TMPRSS15: variants seen among roughly 807,000 people sequenced by gnomAD.
TMPRSS15 encodes enteropeptidase.
In TMPRSS15, 128 loss-of-function variants were observed where a neutral mutation model predicts 125.3. That is an observed-to-expected ratio of 1.02 (90% CI 0.89 to 1.18). The LOEUF is 1.18. Ranked by LOEUF, TMPRSS15 falls within the 50% of genes most tolerant of loss-of-function variation. The probability of loss-of-function intolerance (pLI) is 0.00; values close to 1 mark genes in which losing one functional copy is unlikely to be tolerated. For synonymous variants in TMPRSS15, 446 were observed against 423.2 expected, an observed-to-expected ratio of 1.05 and a Z score of -0.66; for missense variants, 1,283 against 1,212.7, an observed-to-expected ratio of 1.06 and a Z score of -0.86.
rs547502378 is a variant in TMPRSS15 at position 18,350,881 on chromosome 21, TC to T, written c.1171+2021del. ...GAATGACTTGAATAAGGCCTGGAGCTCAATAAATGCTTCTTAAATAAAAGAA... is the reference window on the plus strand; with the variant it reads ...GAATGACTTGAATAAGGCCTGGAGCTAATAAATGCTTCTTAAATAAAAGAA... On this transcript the variant is annotated intron_variant, in intron 10 of 24. Coordinates refer to ENST00000284885, the MANE Select transcript of TMPRSS15 (RefSeq NM_002772.3). 6.6e-5 allele frequency among the ~76,000 whole-genome samples: 10 copies of T among 152,114 alleles called. No individual in the cohort carries two copies. In the South Asian group the frequency reaches 2.1e-3, roughly 32 times the overall value.
intron 7 of TMPRSS15, among the ~76,000 whole-genome samples, chr21:18,361,576 T>C (rs1167434997): frequency 6.6e-6 from 1 of 152,160 alleles, no homozygotes; most frequent in Non-Finnish European, 1.5e-5. Context: ...CCACCAGCAG[T>C]AATGTGGCCA....
intron 1 of TMPRSS15, among the ~76,000 whole-genome samples, chr21:18,451,955 A>C (rs1978346461): frequency 6.6e-6 from 1 of 152,200 alleles, no homozygotes; most frequent in Non-Finnish European, 1.5e-5. Context: ...TTATGCATGC[A>C]TAATTTTATT....
At chr21:18,434,070 ATC>A (rs2076222749) in intron 1 of TMPRSS15, among the ~76,000 whole-genome samples, 1 of 152,140 alleles carries the variant, frequency 6.6e-6, no homozygotes, top group African/African-American at 2.4e-5. Context: ...GATTAAATTA[ATC>A]TCTCCTTTGT....
intron 18 of TMPRSS15, among the ~76,000 whole-genome samples, chr21:18,309,090 T>A (rs563824545): frequency 6.6e-6 from 1 of 152,276 alleles, no homozygotes; most frequent in East Asian, 1.9e-4. Flanking sequence ...TGATTTATAA[T>A]CCTTTGGGTA....
At chr21:18,442,897 C>T (rs1283397228) in intron 1 of TMPRSS15, among the ~76,000 whole-genome samples, 7 of 152,064 alleles carry the variant, frequency 4.6e-5, no homozygotes, top group East Asian at 1.9e-4. Context: ...AAAATCAGTT[C>T]GGGGTACCAT....
At chr21:18,313,438 A>C (rs114931165) in intron 17 of TMPRSS15, among the ~76,000 whole-genome samples, 2 of 150,898 alleles carry the variant, frequency 1.3e-5, no homozygotes, top group Non-Finnish European at 3.0e-5. Context: ...TATATATTAT[A>C]TATAATAACA....
chr21:18,312,887 TG>T lies in TMPRSS15; in HGVS notation c.2165+57del, dbSNP rs911019267. The stretch of plus-strand genomic sequence containing the variant: ...TTTAAAGCTCTTATTAAACCTAATT[TG>T]ATAGTAATAAAAAGGTTTGCAAATC... On this transcript the variant is annotated intron_variant, in intron 18 of 24. Coordinates refer to ENST00000284885, the MANE Select transcript of TMPRSS15 (RefSeq NM_002772.3). 6 of 1,600,774 alleles carry T rather than the reference TG, an allele frequency of 3.7e-6. No homozygotes were observed. The African/African-American group carries it at 8.0e-5, about 21-fold the overall frequency.
chr21:18,279,081 A>C, intron 22 of TMPRSS15, 22 bp from the exon 23 acceptor site: 13 of 1,222,918 alleles, frequency 1.1e-5, no homozygotes, highest in Non-Finnish European at 1.6e-5. Context: ...AGCAAACAGC[A>C]AAACGAACAA....
intron 1 of TMPRSS15, among the ~76,000 whole-genome samples, chr21:18,445,289 C>A (rs941148721): frequency 6.6e-6 from 1 of 150,968 alleles, no homozygotes; most frequent in African/African-American, 2.4e-5. Flanking sequence ...CAAGTGATTA[C>A]CCTGCCTCAG....
At position 18,305,479 on chromosome 21, in the gene TMPRSS15, C is replaced by T. The variant is rs142110067; in HGVS notation, c.2165+7466G>A. Among the ~76,000 whole-genome samples the T allele has an allele frequency of 2.4e-4, 37 of 152,298 alleles. No individual in the cohort carries two copies. The East Asian group carries it at 6.6e-3, about 27-fold the overall frequency. ...CTGGGATTACAGGCGTGAGCCACCA[C>T]GCCCGGCCCCTTGAATTTCTATAAA... On this transcript the variant is annotated intron_variant, in intron 18 of 24. Coordinates refer to ENST00000284885, the MANE Select transcript of TMPRSS15 (RefSeq NM_002772.3).
At chr21:18,428,540 T>A (rs1433006732) in intron 1 of TMPRSS15, among the ~76,000 whole-genome samples, 2 of 152,186 alleles carry the variant, frequency 1.3e-5, no homozygotes, top group Non-Finnish European at 2.9e-5. Flanking sequence ...CCTTGCTATC[T>A]GCAGCTTATG....
In TMPRSS15 at chr21:18,308,519, A is replaced by G. The variant is rs549612626; in HGVS notation, c.2165+4426T>C. Among the ~76,000 whole-genome samples the G allele has an allele frequency of 7.2e-5, 11 of 152,304 alleles. No homozygotes were observed. In the East Asian group the frequency reaches 1.9e-3, roughly 27 times the overall value. ...AGTAGGAATAGAAAGAAATCACAAA[A>G]GAATGTGGTTTGACCCCATTTTATA... On this transcript the variant is annotated intron_variant, in intron 18 of 24. Transcript: ENST00000284885.
intron 18 of TMPRSS15, among the ~76,000 whole-genome samples, chr21:18,305,183 CTTTTT>C (rs59103494): frequency 0.034 from 2,942 of 86,038 alleles, 126 homozygotes; most frequent in African/African-American, 0.12. Context: ...AATTTCCGTA[CTTTTT>C]TTTTTTTTTT....
intron 8 of TMPRSS15, among the ~76,000 whole-genome samples, chr21:18,355,302 G>A (rs2075613917): frequency 6.6e-6 from 1 of 151,652 alleles, no homozygotes; most frequent in Non-Finnish European, 1.5e-5. Flanking sequence ...AATGTGGTTG[G>A]TGGTTCAACC....
chr21:18,277,744 T>C (rs78303641), intron 23 of TMPRSS15, among the ~76,000 whole-genome samples: 5,041 of 152,320 alleles, frequency 0.033, 275 homozygotes, highest in African/African-American at 0.11. Context: ...CATTTTCATC[T>C]TAAATACATT....
intron 1 of TMPRSS15, among the ~76,000 whole-genome samples, chr21:18,421,653 C>G (rs963735936): frequency 6.6e-6 from 1 of 152,152 alleles, no homozygotes; most frequent in East Asian, 1.9e-4. Context: ...TATGCAATTT[C>G]TATTCCTTTG....
At chr21:18,377,256 AG>A (rs2075853504) in intron 5 of TMPRSS15, among the ~76,000 whole-genome samples, 1 of 152,180 alleles carries the variant, frequency 6.6e-6, no homozygotes, top group South Asian at 2.1e-4. Flanking sequence ...TTAGAAACAA[AG>A]TTTTTTTGGA....
chr21:18,286,166 C>G (rs1005829082), intron 21 of TMPRSS15, among the ~76,000 whole-genome samples: 1 of 152,134 alleles, frequency 6.6e-6, no homozygotes, highest in African/African-American at 2.4e-5. Context: ...CCTTTCATTT[C>G]ACTCTCCGTT....
chr21:18,385,645 C>T (rs2123067179), intron 3 of TMPRSS15, among the ~76,000 whole-genome samples: 1 of 152,244 alleles, frequency 6.6e-6, no homozygotes, highest in Non-Finnish European at 1.5e-5. Context: ...GATAGCGTAG[C>T]AGAAGAAGGA....
Sources: allele counts gnomAD v4.1 joint callset (sites outside exome capture counted in the v4.1 genomes callset), GRCh38; gene constraint gnomAD v4.1.1; transcripts MANE v1.5; gene names NCBI Gene and HGNC (gene_info 2026-07-23, HGNC 2026-07-21).